The following RB1 variants were observed in gnomAD, a reference collection of about 807,000 sequenced individuals.
RB1 encodes the protein retinoblastoma-associated protein.
In RB1, 18 loss-of-function variants were observed where a neutral mutation model predicts 135.4. That is an observed-to-expected ratio of 0.13 (90% CI 0.09 to 0.20). The LOEUF (loss-of-function observed/expected upper bound fraction) is 0.20. RB1 is among the 10% of genes least tolerant of loss of function. The pLI is 1.00. For missense variants in RB1, 868 were observed against 1,110.0 expected (o/e 0.78, Z 3.10); for synonymous variants, 365 against 373.2 (o/e 0.98, Z 0.25).
intron 17 of RB1, among the ~76,000 whole-genome samples, chr13:48,452,001 CT>C (rs1203522236): frequency 6.6e-6 from 1 of 150,790 alleles, no homozygotes; most frequent in African/African-American, 2.4e-5. Flanking sequence ...ATTCTTCTTT[CT>C]TTCCTTCTAT....
At position 48,320,412 on chromosome 13, in the gene RB1, T is replaced by C. The variant is rs980818998; in HGVS notation, c.264+13006T>C. ...ACCCGGGGAACCTAAAGCTCCCTGG[T>C]GGGCCAAAGGCCTCCCATTTGGACT... On this transcript the variant is annotated intron_variant, in intron 2 of 26. Coordinates refer to ENST00000267163, the MANE Select transcript of RB1 (RefSeq NM_000321.3). 7.1e-6 allele frequency: 8 copies of C among 1,122,466 alleles called. 1 individual carries two copies. The highest frequency in any genetic ancestry group is 1.1e-5 in the Non-Finnish European group (8 of 749,478). The allele number at this position is 1,122,466 out of a possible 1,614,324, so 69.5% of individuals were successfully genotyped here.
chr13:48,462,277 C>T (rs188074842), intron 20 of RB1, among the ~76,000 whole-genome samples: 4 of 152,184 alleles, frequency 2.6e-5, no homozygotes, highest in Admixed American at 2.0e-4. Context: ...GCACACACCA[C>T]CACGCCGAGC....
chr13:48,338,844 G>T (rs1413461763), intron 2 of RB1, among the ~76,000 whole-genome samples: 1 of 152,112 alleles, frequency 6.6e-6, no homozygotes, highest in African/African-American at 2.4e-5. Flanking sequence ...GTGACGTACA[G>T]ATGGGGGTAT....
intron 17 of RB1, among the ~76,000 whole-genome samples, chr13:48,417,847 G>A (rs780184517): frequency 7.9e-5 from 12 of 151,998 alleles, no homozygotes; most frequent in Non-Finnish European, 1.5e-4. Flanking sequence ...GAAAAGAAAC[G>A]AACAAAGCCT....
rs986421435 is a variant in RB1 at position 48,318,260 on chromosome 13, G to A, written c.264+10854G>A. On this transcript the variant is annotated intron_variant, in intron 2 of 26. Transcript: ENST00000267163. ...AGCTATTAAGCACCGGCGGGCTTCT[G>A]TCTTTCCAGTCTCTCGGGAGCCCGC... 6.9e-5 allele frequency: 59 copies of A among 852,860 alleles called. 1 individual carries two copies. The East Asian group carries it at 1.5e-3, about 21-fold the overall frequency. 52.8% of individuals were successfully genotyped at this position (852,860 alleles called of 1,614,324 possible).
intron 17 of RB1, chr13:48,417,377 A>G (rs1948929860): frequency 6.6e-6 from 1 of 152,260 alleles, no homozygotes; most frequent in Non-Finnish European, 1.5e-5. Context: ...AATGAATAGC[A>G]TCAATATCAA....
At chr13:48,311,864 C>T (rs1952133606) in intron 2 of RB1, among the ~76,000 whole-genome samples, 1 of 152,174 alleles carries the variant, frequency 6.6e-6, no homozygotes, top group African/African-American at 2.4e-5. Flanking sequence ...CGCCACCACA[C>T]CCGGCTAATT....
intron 17 of RB1, chr13:48,412,784 C>T (rs745345593): frequency 1.4e-5 from 4 of 287,704 alleles, no homozygotes; most frequent in African/African-American, 2.2e-5. Flanking sequence ...AATGAAACCA[C>T]TTGTCTTCTA....
chr13:48,330,155 G>A (rs1174576893), intron 2 of RB1, among the ~76,000 whole-genome samples: 1 of 151,588 alleles, frequency 6.6e-6, no homozygotes, highest in Admixed American at 6.6e-5. Flanking sequence ...AGCACATCAA[G>A]ATTTGTGGAA....
rs1238154099 is a variant in RB1, at chr13:48,481,661, G to A, written c.*1590G>A. On this transcript the variant is annotated 3_prime_UTR_variant, in exon 27 of 27. Transcript: ENST00000267163. Reference sequence around the variant, plus strand: ...ACAAATCAGTTAGTTTTTAGGTCAAGGGCTTACTATTTCTGGGTCTTTTGC... The same window carrying A: ...ACAAATCAGTTAGTTTTTAGGTCAAAGGCTTACTATTTCTGGGTCTTTTGC... 1 of 231,012 alleles carries A rather than the reference G, an allele frequency of 4.3e-6. No individual in the cohort carries two copies. Among genetic ancestry groups the A allele is most frequent in the African/African-American group, 2.2e-5 (1 of 45,202 alleles). The allele number at this position is 231,012 out of a possible 1,614,324, so 14.3% of individuals were successfully genotyped here. A position where few individuals can be genotyped will look rare whatever the true frequency, so the allele number is the denominator to read the frequency against.
intron 2 of RB1, among the ~76,000 whole-genome samples, chr13:48,330,725 C>T (rs996709947): frequency 2.0e-5 from 3 of 152,142 alleles, no homozygotes; most frequent in African/African-American, 7.2e-5. Context: ...TTCTACCAGA[C>T]ATTTGAAGAA....
chr13:48,332,215 G>A (rs966711073), intron 2 of RB1, among the ~76,000 whole-genome samples: 1 of 152,192 alleles, frequency 6.6e-6, no homozygotes, highest in Admixed American at 6.5e-5. Flanking sequence ...TGGTTAGCAG[G>A]GGTGGGGAGC....
chr13:48,382,052 A>G (rs559949570), intron 17 of RB1, among the ~76,000 whole-genome samples: 496 of 151,836 alleles, frequency 3.3e-3, no homozygotes, highest in Non-Finnish European at 4.9e-3. Context: ...TGCATAGTAT[A>G]TATGTGCCAC....
At chr13:48,374,675 A>ATGAAAGAATT (rs1267753123) in intron 12 of RB1, among the ~76,000 whole-genome samples, 1 of 152,236 alleles carries the variant, frequency 6.6e-6, no homozygotes, top group Non-Finnish European at 1.5e-5. Flanking sequence ...GCAAGGGCTA[A>ATGAAAGAATT]TGAAAGAATT....
intron 6 of RB1, among the ~76,000 whole-genome samples, chr13:48,359,501 A>T (rs1952619696): frequency 6.8e-6 from 1 of 148,142 alleles, no homozygotes; most frequent in East Asian, 2.0e-4. Flanking sequence ...AATTAGAATA[A>T]ATTCTAATAA....
intron 23 of RB1, among the ~76,000 whole-genome samples, chr13:48,472,228 G>A (rs538449868): frequency 3.9e-5 from 6 of 152,232 alleles, no homozygotes; most frequent in African/African-American, 1.4e-4. Context: ...GCATATGTTG[G>A]CCTTTCAGAA....
chr13:48,427,145 T>C (rs148716585), intron 17 of RB1, among the ~76,000 whole-genome samples: 3,462 of 151,210 alleles, frequency 0.023, 71 homozygotes, highest in Non-Finnish European at 0.038. Flanking sequence ...ACCTCCAGCA[T>C]TGGGGAGCAC....
chr13:48,397,003 T>C (rs1012919335), intron 17 of RB1, among the ~76,000 whole-genome samples: 1 of 152,168 alleles, frequency 6.6e-6, no homozygotes, highest in Non-Finnish European at 1.5e-5. Context: ...CAACAGATGC[T>C]GGAGAGGCTG....
chr13:48,348,884 G>C (rs139742917), intron 5 of RB1, 72 bp from the exon 6 acceptor site: 1 of 1,539,876 alleles, frequency 6.5e-7, no homozygotes, highest in Non-Finnish European at 8.8e-7. Flanking sequence ...ACACCCAAAA[G>C]ATATATCTGG....
Sources: gnomAD v4.1 joint callset for allele counts (sites outside exome capture counted in the v4.1 genomes callset) on GRCh38, gnomAD v4.1.1 for gene constraint, MANE v1.5 for transcripts, NCBI Gene and HGNC (gene_info 2026-07-23, HGNC 2026-07-21) for gene names.